Variants in CLCC1 observed in about 807,000 individuals in gnomAD.
CLCC1 encodes the protein chloride channel CLIC-like protein 1.
CLCC1 carries 39 observed loss-of-function variants against 63.3 expected under a neutral mutation model. The observed-to-expected ratio is 0.62, with a 90% confidence interval of 0.48 to 0.81. CLCC1 has a LOEUF of 0.81. Ranked by LOEUF, CLCC1 falls within the 30% of genes least tolerant of loss-of-function variation. The pLI is 0.00. For synonymous variants in CLCC1, 217 were observed against 239.8 expected, an observed-to-expected ratio of 0.90 and a Z score of 0.88; for missense variants, 549 against 669.4, an observed-to-expected ratio of 0.82 and a Z score of 1.98.
chr1:108,961,913 A>C (rs566172110), intron 2 of CLCC1, among the ~76,000 whole-genome samples: 57 of 152,192 alleles, frequency 3.7e-4, no homozygotes, highest in South Asian at 2.1e-4. Context: ...CTGTTACATT[A>C]ATTTAATCCT....
intron 9 of CLCC1, 94 bp downstream of exon 9, chr1:108,939,951 G>A: frequency 3.1e-6 from 4 of 1,272,274 alleles, no homozygotes; most frequent in Non-Finnish European, 4.4e-6. Context: ...TTGGACAAAC[G>A]CTTATTAGCA....
In CLCC1 at chr1:108,939,643, G is replaced by A. The variant is rs141965818; in HGVS notation, c.1034C>T (p.Ala345Val). 3.1e-6 allele frequency: 5 copies of A among 1,613,822 alleles called. No homozygotes were observed. In the African/African-American group the frequency reaches 6.7e-5, roughly 22 times the overall value. The change falls in exon 10 of 13, where the codon GCC becomes GTC. Residue 345 changes from alanine (A) to valine (V), a missense_variant. Physicochemically the swap from Ala to Val is moderately conservative, Grantham distance 64. Transcript: ENST00000369969. Reference protein sequence around the residue: ...HLPVLIIMALAILSFCYGAGK... With the variant: ...HLPVLIIMALVILSFCYGAGK... ...TAATATATTAATACTAACCAGGATG[G>A]CTAATGCCATAATTATCAGCACTGG... is the stretch of plus-strand genomic sequence containing the variant.
rs749833867 is a variant in CLCC1 at position 108,944,013 on chromosome 1, GATA to G, written c.381_383del (p.Ile128del). ...TTTCTAACAAAGTTTCTCTTTTAAG[GATA>G]ATCTCAGCATCATAATGCATATCGC... On this transcript the variant is annotated inframe_deletion, in exon 6 of 13. Transcript: ENST00000369969. 3 of 1,612,830 alleles carry G rather than the reference GATA, an allele frequency of 1.9e-6. No homozygotes were observed. Among genetic ancestry groups the G allele is most frequent in the Non-Finnish European group, 2.5e-6 (3 of 1,179,710 alleles).
chr1:108,950,826 T>C (rs1025083085), intron 2 of CLCC1, among the ~76,000 whole-genome samples: 11 of 152,146 alleles, frequency 7.2e-5, no homozygotes, highest in Non-Finnish European at 1.5e-4. Flanking sequence ...GATTGTTTTG[T>C]AATGAAAACT....
chr1:108,963,194 G>A (rs927140809), intron 1 of CLCC1, among the ~76,000 whole-genome samples, 167 bp downstream of exon 1: 52 of 152,194 alleles, frequency 3.4e-4, no homozygotes, highest in Non-Finnish European at 6.6e-4. Context: ...AGGAGCCCGG[G>A]GCACCCACAG....
intron 2 of CLCC1, among the ~76,000 whole-genome samples, chr1:108,958,558 T>C (rs1443133826): frequency 6.6e-6 from 1 of 151,598 alleles, no homozygotes; most frequent in Non-Finnish European, 1.5e-5. Context: ...ATAAAGTGCT[T>C]CCTTTAAGTG....
intron 6 of CLCC1, 81 bp from the exon 7 acceptor site, chr1:108,943,696 C>A (rs1654151750): frequency 1.3e-6 from 2 of 1,557,778 alleles, no homozygotes; most frequent in South Asian, 1.1e-5. Flanking sequence ...AGCACAAAAT[C>A]ATTTCTACAA....
chr1:108,944,133 A>T (rs964248266), intron 5 of CLCC1, 76 bp from the exon 6 acceptor site: 23 of 1,067,376 alleles, frequency 2.2e-5, no homozygotes, highest in Admixed American at 5.5e-5. Flanking sequence ...TTAAGACAAA[A>T]GCCAATTTGG....
intron 6 of CLCC1, 26 bp downstream of exon 6, chr1:108,943,810 T>C (rs1476134879): frequency 3.9e-6 from 6 of 1,543,670 alleles, no homozygotes; most frequent in Non-Finnish European, 4.4e-6. Context: ...CTTAATGACG[T>C]TGCCCTTGCC....
intron 2 of CLCC1, among the ~76,000 whole-genome samples, chr1:108,956,178 G>A (rs1655865104): frequency 6.6e-6 from 1 of 151,292 alleles, no homozygotes; most frequent in Non-Finnish European, 1.5e-5. Flanking sequence ...GGCACACTGA[G>A]CTCCCAGCCT....
intron 8 of CLCC1, among the ~76,000 whole-genome samples, chr1:108,941,078 T>C (rs1653774911): frequency 6.6e-6 from 1 of 152,238 alleles, no homozygotes; most frequent in Non-Finnish European, 1.5e-5. Flanking sequence ...TTCATTCACT[T>C]GTTTAATAAA....
At chr1:108,946,990 C>G (rs190767645) in intron 5 of CLCC1, among the ~76,000 whole-genome samples, 5 of 151,956 alleles carry the variant, frequency 3.3e-5, no homozygotes, top group Non-Finnish European at 7.4e-5. Context: ...ATGGCAAAAC[C>G]CCATCTCTAC....
At chr1:108,939,253 C>T (rs1046060507) in intron 10 of CLCC1, among the ~76,000 whole-genome samples, 1 of 140,102 alleles carries the variant, frequency 7.1e-6, no homozygotes, top group African/African-American at 2.7e-5. Context: ...TAAATATAGA[C>T]AGATATATAA....
At chr1:108,958,326 C>A (rs1277465455) in intron 2 of CLCC1, among the ~76,000 whole-genome samples, 1 of 151,478 alleles carries the variant, frequency 6.6e-6, no homozygotes, top group African/African-American at 2.5e-5. Context: ...CAATTATGCA[C>A]AGCTCTGGAT....
rs139179337 is a variant in CLCC1 at position 108,958,904 on chromosome 1, T to C, written c.-12+3405A>G. On this transcript the variant is annotated intron_variant, in intron 2 of 12. Coordinates refer to ENST00000369969, the MANE Select transcript of CLCC1 (RefSeq NM_001377458.1). The stretch of plus-strand genomic sequence containing the variant: ...CAAAAAATAAATAGGCCAGGCACAG[T>C]GGCTCATGCCTATAATCCCAGCACT... Among the ~76,000 whole-genome samples, 772 of 150,708 alleles carry C rather than the reference T, an allele frequency of 5.1e-3. 44 individuals carry two copies. Among genetic ancestry groups the C allele is most frequent in the African/African-American group, 0.018 (723 of 40,346 alleles).
chr1:108,959,197 T>C (rs941059132), intron 2 of CLCC1, among the ~76,000 whole-genome samples: 1 of 151,532 alleles, frequency 6.6e-6, no homozygotes, highest in Non-Finnish European at 1.5e-5. Context: ...TAAATAAATA[T>C]ATGAAAATTA....
At position 108,934,924 on chromosome 1, in the gene CLCC1, C is replaced by A; in HGVS notation, c.1402G>T (p.Asp468Tyr). ...CCACCTGTCTCCTTGGGCTTTGTAT[C>A]CAAAACAGGTGATTTATGCTATAAA... The part of the protein sequence containing the change: ...VVPSHKSPVL[D>Y]TKPKETGGIL... Residue 468 changes from aspartate (D) to tyrosine (Y), a missense_variant, in exon 12 of 13, where the codon GAT becomes TAT. Transcript: ENST00000369969. 1 of 1,610,930 alleles carries A rather than the reference C, an allele frequency of 6.2e-7. No homozygotes were observed. Among genetic ancestry groups the A allele is most frequent in the Non-Finnish European group, 8.5e-7 (1 of 1,177,860 alleles).
chr1:108,943,676 T>C (rs969672921), intron 6 of CLCC1, 61 bp from the exon 7 acceptor site: 12 of 1,594,488 alleles, frequency 7.5e-6, no homozygotes, highest in South Asian at 2.3e-5. Context: ...TAAAAAGAAC[T>C]GGACTCAAAA....
chr1:108,947,149 G>A (rs1654650024), intron 5 of CLCC1, among the ~76,000 whole-genome samples: 1 of 151,918 alleles, frequency 6.6e-6, no homozygotes, highest in African/African-American at 2.4e-5. Flanking sequence ...GGACAACAGA[G>A]CGAGACTCTG....
Sources: allele counts gnomAD v4.1 joint callset (sites outside exome capture counted in the v4.1 genomes callset), GRCh38; gene constraint gnomAD v4.1.1; transcripts MANE v1.5; gene names NCBI Gene and HGNC (gene_info 2026-07-23, HGNC 2026-07-21).